Variants in EML6 observed in about 807,000 individuals in gnomAD.
EML6 encodes the protein EMAP like 6.
A neutral mutation model predicts 240.1 loss-of-function variants in EML6; 154 were observed. That is an observed-to-expected ratio of 0.64 (90% CI 0.56 to 0.73). EML6 has a LOEUF of 0.73. Ranked by LOEUF, EML6 falls within the 30% of genes least tolerant of loss-of-function variation. The pLI, the probability that EML6 is intolerant of heterozygous loss-of-function variation, is 0.00. For missense variants in EML6, 2,964 were observed against 2,474.6 expected (o/e 1.20, Z -4.20); for synonymous variants, 1,148 against 899.0 (o/e 1.28, Z -4.95).
intron 7 of EML6, among the ~76,000 whole-genome samples, chr2:54,837,904 C>G (rs1391767385): frequency 2.0e-5 from 3 of 152,166 alleles, no homozygotes; most frequent in Non-Finnish European, 4.4e-5. Flanking sequence ...GGCCCTTTAC[C>G]ATATCAGGCC....
intron 25 of EML6, among the ~76,000 whole-genome samples, chr2:54,915,086 C>T (rs1673839497): frequency 6.6e-6 from 1 of 152,176 alleles, no homozygotes; most frequent in African/African-American, 2.4e-5. Context: ...ACTCTCCTTC[C>T]ATCTTAGTTC....
intron 2 of EML6, among the ~76,000 whole-genome samples, chr2:54,749,585 C>T (rs1684065270): frequency 6.6e-6 from 1 of 151,794 alleles, no homozygotes; most frequent in Admixed American, 6.6e-5. Flanking sequence ...ATTTATATTA[C>T]CTATTATTAT....
chr2:54,902,928 A>T, intron 22 of EML6, 116 bp from the exon 23 acceptor site: 1 of 903,598 alleles, frequency 1.1e-6, no homozygotes, highest in Non-Finnish European at 1.7e-6. Context: ...GTGTCAATTT[A>T]AAGGCAGTCA....
intron 28 of EML6, among the ~76,000 whole-genome samples, chr2:54,935,605 G>T (rs1049564214): frequency 3.3e-5 from 5 of 152,206 alleles, no homozygotes; most frequent in Non-Finnish European, 2.9e-5. Flanking sequence ...ACCACCATCT[G>T]AGCGTGCCAC....
intron 35 of EML6, among the ~76,000 whole-genome samples, chr2:54,961,420 C>T (rs974873716): frequency 3.3e-5 from 5 of 151,402 alleles, no homozygotes; most frequent in African/African-American, 1.2e-4. Flanking sequence ...CTCCTGACCT[C>T]AGGTGATCCA....
Position 54,948,895 on chromosome 2 carries a change from C to A in EML6, c.4018C>A (p.Arg1340=). The A allele has an allele frequency of 6.4e-7, 1 of 1,551,310 alleles. No homozygotes were observed. The highest frequency in any genetic ancestry group is 8.7e-7 in the Non-Finnish European group (1 of 1,146,870). The change falls in exon 29 of 42, where the codon CGA becomes AGA. Residue 1340 remains arginine, a synonymous_variant. Transcript: ENST00000356458. Reference sequence around the variant, plus strand: ...TCTCTCTTCCAGACCACCCGTTAGCCGAGCAGCTCCCCAGCCTGAGAAACT... The same window carrying A: ...TCTCTCTTCCAGACCACCCGTTAGCAGAGCAGCTCCCCAGCCTGAGAAACT... ...VSVEERPPVS[R]AAPQPEKLQK... is the part of the protein sequence containing the mutation.
intron 10 of EML6, among the ~76,000 whole-genome samples, chr2:54,851,900 A>T (rs148483274): frequency 6.6e-6 from 1 of 152,336 alleles, no homozygotes; most frequent in Non-Finnish European, 1.5e-5. Flanking sequence ...TAATACTCCC[A>T]TCGTAACACA....
Position 54,950,807 on chromosome 2 carries a change from T to G in EML6, c.4213+28T>G. On this transcript the variant is annotated intron_variant, in intron 30 of 41. Transcript: ENST00000356458. ...AACCGGGGGTTAAAAAATACAGGTT[T>G]TTCTTTTAGCTGTTTTTTACATGCT... is the stretch of plus-strand genomic sequence containing the variant. The G allele has an allele frequency of 6.5e-6, 10 of 1,541,730 alleles. No individual in the cohort carries two copies. In the East Asian group the frequency reaches 2.5e-4, roughly 38 times the overall value.
chr2:54,849,550 G>A (rs1669956914), intron 9 of EML6, among the ~76,000 whole-genome samples: 1 of 152,218 alleles, frequency 6.6e-6, no homozygotes, highest in African/African-American at 2.4e-5. Flanking sequence ...GTGCAGTGGT[G>A]CCATCTTGAC....
chr2:54,751,164 C>T (rs143004066), intron 2 of EML6, among the ~76,000 whole-genome samples: 1 of 152,266 alleles, frequency 6.6e-6, no homozygotes, highest in African/African-American at 2.4e-5. Flanking sequence ...AGAATCAGAT[C>T]CATGTTTTAT....
Position 54,847,616 on chromosome 2 carries a change from C to T in EML6, c.1180C>T (p.Arg394Ter), listed in dbSNP as rs1161453577. The T allele has an allele frequency of 9.0e-6, 14 of 1,552,276 alleles. No homozygotes were observed. Among genetic ancestry groups the T allele is most frequent in the Admixed American group, 2.0e-5 (1 of 51,008 alleles). ...GAAGGACGGCTCTTTCATTGTTCTCCGAGTCAGGCACGTACTGATGTTGAA... is the reference window on the plus strand; with the variant it reads ...GAAGGACGGCTCTTTCATTGTTCTCTGAGTCAGGCACGTACTGATGTTGAA... ...GMKDGSFIVL[R>*]VRDMTEVVHI... Residue 394 changes from arginine to a stop codon, truncating the protein, a stop_gained, in exon 9 of 42, where the codon CGA becomes TGA. Transcript: ENST00000356458. LOFTEE classifies it high-confidence loss of function.
At chr2:54,811,273 C>G (rs926903829) in intron 2 of EML6, among the ~76,000 whole-genome samples, 5 of 152,146 alleles carry the variant, frequency 3.3e-5, no homozygotes, top group African/African-American at 1.2e-4. Flanking sequence ...CAGTGGTACC[C>G]TAATTTCCTG....
chr2:54,792,383 T>G (rs2103913726), intron 2 of EML6, among the ~76,000 whole-genome samples: 1 of 152,342 alleles, frequency 6.6e-6, no homozygotes, highest in Non-Finnish European at 1.5e-5. Flanking sequence ...TAATAAAAAC[T>G]TGATAGCTAA....
At chr2:54,816,760 G>T in intron 3 of EML6, 27 bp from the exon 4 acceptor site, 1 of 1,466,336 alleles carries the variant, frequency 6.8e-7, no homozygotes, top group South Asian at 1.2e-5. Context: ...TCACTTTTAG[G>T]TACTAAATTA....
Position 54,899,654 on chromosome 2 carries a change from G to A in EML6, c.2996G>A (p.Gly999Glu). 3 of 1,553,596 alleles carry A rather than the reference G, an allele frequency of 1.9e-6. No homozygotes were observed. The highest frequency in any genetic ancestry group is 2.6e-6 in the Non-Finnish European group (3 of 1,148,010). ...CCTCTCCCACAGGGGCACATGGAAG[G>A]AGAAGTGTGGGGGTTGGCAGCTCAC... ...MTLLVQGHME[G>E]EVWGLAAHPL... The change falls in exon 22 of 42, where the codon GGA becomes GAA. Residue 999 changes from glycine to glutamate, a missense_variant. Physicochemically the swap from Gly to Glu is moderately conservative, Grantham distance 98 (BLOSUM62 -2). Coordinates refer to ENST00000356458, the MANE Select transcript of EML6 (RefSeq NM_001039753.4).
chr2:54,952,451 G>A (rs1050704804), intron 30 of EML6, 143 bp from the exon 31 acceptor site: 5 of 574,304 alleles, frequency 8.7e-6, no homozygotes, highest in East Asian at 2.9e-5. Flanking sequence ...ATCTCCCCAA[G>A]TGTGATTCTG....
At chr2:54,843,144 G>C (rs1669551317) in intron 7 of EML6, among the ~76,000 whole-genome samples, 1 of 152,200 alleles carries the variant, frequency 6.6e-6, no homozygotes, top group African/African-American at 2.4e-5. Context: ...AAATTATTCT[G>C]AAGGTTAGGT....
At chr2:54,858,338 T>G (rs1670497416) in intron 11 of EML6, among the ~76,000 whole-genome samples, 1 of 152,234 alleles carries the variant, frequency 6.6e-6, no homozygotes. Flanking sequence ...TCATTTTGTA[T>G]CAGAGAATTT....
At chr2:54,911,841 G>A (rs1343314467) in intron 25 of EML6, among the ~76,000 whole-genome samples, 3 of 152,092 alleles carry the variant, frequency 2.0e-5, no homozygotes, top group South Asian at 4.1e-4. Context: ...CTACATACAC[G>A]ATTTTTTAGT....
Sources: gnomAD v4.1 joint callset for allele counts (sites outside exome capture counted in the v4.1 genomes callset) on GRCh38, gnomAD v4.1.1 for gene constraint, MANE v1.5 for transcripts, NCBI Gene and HGNC (gene_info 2026-07-23, HGNC 2026-07-21) for gene names.